The following DRICH1 variants were observed in gnomAD, a reference collection of about 807,000 sequenced individuals.
The protein encoded by DRICH1 is aspartate-rich protein 1.
DRICH1 carries 38 observed loss-of-function variants against 39.5 expected under a neutral mutation model. That is an observed-to-expected ratio of 0.96 (90% CI 0.74 to 1.26). The LOEUF (loss-of-function observed/expected upper bound fraction) is 1.26. DRICH1 is among the 50% of genes most tolerant of loss of function. The probability of loss-of-function intolerance (pLI) is 0.00; values close to 1 mark genes in which losing one functional copy is unlikely to be tolerated. For synonymous variants in DRICH1, 84 were observed against 99.5 expected, an observed-to-expected ratio of 0.84 and a Z score of 0.93; for missense variants, 279 against 270.4, an observed-to-expected ratio of 1.03 and a Z score of -0.22.
At chr22:23,627,422 C>G (rs533019961) in intron 1 of DRICH1, among the ~76,000 whole-genome samples, 76 of 152,228 alleles carry the variant, frequency 5.0e-4, no homozygotes, top group Admixed American at 1.0e-3. Flanking sequence ...TGAGGAGGCA[C>G]AGATATGACT....
chr22:23,600,206 T>C, the DRICH1 span, among the ~76,000 whole-genome samples: 88 of 152,274 alleles, frequency 5.8e-4, no homozygotes, highest in African/African-American at 1.9e-3. Context: ...AGGGCAGCAA[T>C]TGAAAGGGTC....
At chr22:23,605,504 C>T (rs548925501), downstream of DRICH1, among the ~76,000 whole-genome samples, 6 of 152,022 alleles carry the variant, frequency 3.9e-5, 1 homozygote, top group South Asian at 2.1e-4. Flanking sequence ...GGTGTGGAGG[C>T]GGCACATACA....
chr22:23,628,259 G>A (rs1262886968), intron 1 of DRICH1, among the ~76,000 whole-genome samples: 1 of 152,102 alleles, frequency 6.6e-6, no homozygotes, highest in Non-Finnish European at 1.5e-5. Context: ...AGTGCTAGGG[G>A]GCTCTGTCCA....
chr22:23,584,343 C>T, the DRICH1 span, among the ~76,000 whole-genome samples: 1 of 152,196 alleles, frequency 6.6e-6, no homozygotes, highest in Non-Finnish European at 1.5e-5. Context: ...CTCTGCCCTG[C>T]TCCCGTGTTT....
At chr22:23,605,119 T>C (rs1602322025), downstream of DRICH1, among the ~76,000 whole-genome samples, 1 of 152,196 alleles carries the variant, frequency 6.6e-6, no homozygotes, top group Non-Finnish European at 1.5e-5. Context: ...GTCACTGAGA[T>C]GGAGGTTCTG....
chr22:23,617,044 A>G (rs1472020590), intron 7 of DRICH1, among the ~76,000 whole-genome samples, 170 bp from the exon 8 acceptor site: 1 of 152,196 alleles, frequency 6.6e-6, no homozygotes, highest in Non-Finnish European at 1.5e-5. Context: ...AAAAGACAAG[A>G]GCTTTTCCCA....
intron 11 of DRICH1, among the ~76,000 whole-genome samples, chr22:23,612,508 G>C (rs1254471273): frequency 1.3e-5 from 2 of 148,986 alleles, no homozygotes; most frequent in African/African-American, 4.9e-5. Context: ...GAACTTAAGT[G>C]ATGAATAGCA....
chr22:23,623,979 AACAGAATGCTGACAGTGTGCTCAAGG>A (rs1927917050), intron 3 of DRICH1: 1 of 785,518 alleles, frequency 1.3e-6, no homozygotes, highest in Non-Finnish European at 1.4e-6. Context: ...CTTCTCTCTC[AACAGAATGCTGACAGTGTGCTCAAGG>A]TTGTGCTTCT....
intron 2 of DRICH1, among the ~76,000 whole-genome samples, chr22:23,625,738 T>C (rs1369695756): frequency 6.6e-6 from 1 of 152,080 alleles, no homozygotes; most frequent in Non-Finnish European, 1.5e-5. Flanking sequence ...CCCGGGAAGA[T>C]TGTGACCTCA....
At position 23,631,920 on chromosome 22, in the gene DRICH1, G is replaced by A. The variant is rs1302198521; in HGVS notation, c.104C>T (p.Ala35Val). The change falls in exon 1 of 12, where the codon GCT becomes GTT. Residue 35 changes from alanine (A) to valine (V), a missense_variant. Transcript: ENST00000317749. Reference protein sequence around the residue: ...ESDTDIYETVAAATSESTTVE... With the variant: ...ESDTDIYETVVAATSESTTVE... Reference sequence around the variant, plus strand: ...AGTAGTGGATTCTGATGTTGCAGCAGCCACAGTCTCATAAATATCAGTATC... The same window carrying A: ...AGTAGTGGATTCTGATGTTGCAGCAACCACAGTCTCATAAATATCAGTATC... The A allele has an allele frequency of 1.2e-6, 2 of 1,613,610 alleles. No individual in the cohort carries two copies. The highest frequency in any genetic ancestry group is 1.7e-6 in the Non-Finnish European group (2 of 1,180,050).
rs1190272226 is a variant in DRICH1, at chr22:23,631,912, T to C, written c.112A>G (p.Thr38Ala). Residue 38 changes from threonine (T) to alanine (A), a missense_variant, in exon 1 of 12, where the codon ACA (threonine) becomes GCA (alanine). By Grantham distance (58) the Thr-to-Ala change is moderately conservative. Transcript: ENST00000317749. ...TDIYETVAAA[T>A]SESTTVEPGK... ...GGCTCTACAGTAGTGGATTCTGATG[T>C]TGCAGCAGCCACAGTCTCATAAATA... is the stretch of plus-strand genomic sequence containing the variant. 2.5e-6 allele frequency: 4 copies of C among 1,613,634 alleles called. No homozygotes were observed. Among genetic ancestry groups the C allele is most frequent in the Admixed American group, 1.7e-5 (1 of 60,026 alleles).
At chr22:23,587,178 G>A in the DRICH1 span, among the ~76,000 whole-genome samples, 2 of 152,262 alleles carry the variant, frequency 1.3e-5, no homozygotes, top group South Asian at 4.1e-4. Context: ...GGATAGCACT[G>A]CCGGGTGCCC....
chr22:23,581,475 G>T, the DRICH1 span: 1 of 152,478 alleles, frequency 6.6e-6, no homozygotes, highest in Admixed American at 6.5e-5. Flanking sequence ...CAGAGGCGGG[G>T]CTGGAAATGC....
chr22:23,622,465 A>C (rs370512862), intron 3 of DRICH1, among the ~76,000 whole-genome samples: 2 of 152,138 alleles, frequency 1.3e-5, no homozygotes, highest in Non-Finnish European at 2.9e-5. Flanking sequence ...GTGCCTTCCT[A>C]CCTCTCAAAT....
chr22:23,620,467 T>C, intron 5 of DRICH1, 127 bp downstream of exon 5: 4 of 1,091,226 alleles, frequency 3.7e-6, no homozygotes, highest in East Asian at 2.4e-5. Context: ...CTCATAGTTA[T>C]ACACTTGCAG....
chr22:23,595,988 T>A, the DRICH1 span, among the ~76,000 whole-genome samples: 1 of 152,174 alleles, frequency 6.6e-6, no homozygotes, highest in African/African-American at 2.4e-5. Context: ...GCTCCAAATG[T>A]CTGAAATCCC....
chr22:23,615,091 T>G (rs1569089221), intron 8 of DRICH1, among the ~76,000 whole-genome samples: 1 of 152,228 alleles, frequency 6.6e-6, no homozygotes, highest in Non-Finnish European at 1.5e-5. Context: ...ATTATTTTTT[T>G]GGTTGAGCAC....
chr22:23,591,464 C>T, the DRICH1 span, among the ~76,000 whole-genome samples: 2 of 152,178 alleles, frequency 1.3e-5, no homozygotes, highest in African/African-American at 2.4e-5. Flanking sequence ...TGGTCTCCTG[C>T]CAGCCTTCTC....
rs1928043107 is a variant in DRICH1 at position 23,626,037 on chromosome 22, C to G, written c.220G>C (p.Asp74His). The G allele has an allele frequency of 1.2e-6, 2 of 1,612,782 alleles. No homozygotes were observed. The highest frequency in any genetic ancestry group is 3.3e-5 in the Admixed American group (2 of 59,828). Residue 74 changes from aspartate (D) to histidine (H), a missense_variant, in exon 2 of 12, where the codon GAC becomes CAC. By Grantham distance (81) the Asp-to-His change is moderately conservative (BLOSUM62 -1). Transcript: ENST00000317749. ...NQKMPTGPPE[D>H]RLSLKFLPSS... ...GGCAGAAATTTTAAACTCAGGCGGT[C>G]CTCAGGGGGACCTAAAAGGACACAG...
Sources: gnomAD v4.1 joint callset for allele counts (sites outside exome capture counted in the v4.1 genomes callset) on GRCh38, gnomAD v4.1.1 for gene constraint, MANE v1.5 for transcripts, NCBI Gene and HGNC (gene_info 2026-07-23, HGNC 2026-07-21) for gene names.